The following RAPGEF5 variants were observed in gnomAD, a reference collection of about 807,000 sequenced individuals.
RAPGEF5 encodes the protein Rap guanine nucleotide exchange factor 5.
Under a neutral mutation model 125.2 loss-of-function variants are expected in RAPGEF5, and 65 were observed. The observed-to-expected ratio is 0.52, with a 90% CI of 0.43 to 0.64. The LOEUF is 0.64. Among genes scored for constraint, RAPGEF5 ranks in the 30% least tolerant of loss-of-function variants. The probability of loss-of-function intolerance (pLI) is 0.00; values close to 1 mark genes in which losing one functional copy is unlikely to be tolerated. For missense variants in RAPGEF5, 958 were observed against 1,048.1 expected (o/e 0.91, Z 1.19); for synonymous variants, 391 against 385.9 (o/e 1.01, Z -0.16).
intron 7 of RAPGEF5, among the ~76,000 whole-genome samples, chr7:22,244,954 T>C (rs190422211): frequency 6.6e-6 from 1 of 152,324 alleles, no homozygotes; most frequent in African/African-American, 2.4e-5. Flanking sequence ...AGTACAAGGA[T>C]TATCTTTTCT....
chr7:22,350,310 T>C (rs1784307619), intron 1 of RAPGEF5, among the ~76,000 whole-genome samples: 2 of 152,240 alleles, frequency 1.3e-5, no homozygotes, highest in Admixed American at 6.5e-5. Context: ...TATCAGTATT[T>C]AGACGCTACC....
At chr7:22,177,482 C>T (rs1583451355) in intron 11 of RAPGEF5, among the ~76,000 whole-genome samples, 1 of 152,202 alleles carries the variant, frequency 6.6e-6, no homozygotes, top group South Asian at 2.1e-4. Flanking sequence ...AGAGTGGCTT[C>T]AATGGGCAAG....
chr7:22,192,981 C>T (rs1164468661), intron 11 of RAPGEF5: 1 of 239,144 alleles, frequency 4.2e-6, no homozygotes, highest in Non-Finnish European at 8.1e-6. Flanking sequence ...CTGCTGCCCC[C>T]AGCTCAGCAC....
At chr7:22,135,371 A>ATT (rs1783048210) in intron 23 of RAPGEF5, among the ~76,000 whole-genome samples, 1 of 152,242 alleles carries the variant, frequency 6.6e-6, no homozygotes, top group African/African-American at 2.4e-5. Context: ...TATACACCAG[A>ATT]TTAAAAAGAG....
At chr7:22,163,815 C>T (rs954337202) in intron 12 of RAPGEF5, among the ~76,000 whole-genome samples, 5 of 152,132 alleles carry the variant, frequency 3.3e-5, no homozygotes, top group Non-Finnish European at 7.3e-5. Context: ...GGTTGTTGGA[C>T]AGCATTATAT....
intron 7 of RAPGEF5, among the ~76,000 whole-genome samples, chr7:22,255,939 A>C (rs1786748684): frequency 6.6e-6 from 1 of 152,210 alleles, no homozygotes; most frequent in South Asian, 2.1e-4. Flanking sequence ...CTGAGTCTGC[A>C]TTCTGCCTGC....
At chr7:22,264,010 C>T (rs969667654) in intron 7 of RAPGEF5, among the ~76,000 whole-genome samples, 2 of 151,964 alleles carry the variant, frequency 1.3e-5, no homozygotes, top group Non-Finnish European at 2.9e-5. Flanking sequence ...CTGTATACAA[C>T]TTTATTCACT....
chr7:22,337,776 A>C (rs7794152), intron 1 of RAPGEF5, among the ~76,000 whole-genome samples: 1 of 152,080 alleles, frequency 6.6e-6, no homozygotes, highest in East Asian at 1.9e-4. Flanking sequence ...CCAGTGGGGA[A>C]TACAGCAGTG....
intron 5 of RAPGEF5, among the ~76,000 whole-genome samples, chr7:22,301,256 T>C (rs1286333865): frequency 6.6e-6 from 1 of 152,132 alleles, no homozygotes; most frequent in Non-Finnish European, 1.5e-5. Context: ...GTGGAATTCG[T>C]TATTATCTTG....
chr7:22,163,718 G>T (rs1305651374), intron 12 of RAPGEF5, among the ~76,000 whole-genome samples: 1 of 152,138 alleles, frequency 6.6e-6, no homozygotes, highest in African/African-American at 2.4e-5. Flanking sequence ...ATCTATTCTT[G>T]TTGTCTCCAA....
chr7:22,162,019 G>T (rs2128112091), intron 13 of RAPGEF5, among the ~76,000 whole-genome samples: 1 of 152,288 alleles, frequency 6.6e-6, no homozygotes, highest in East Asian at 1.9e-4. Context: ...AGTATACCAT[G>T]TCTGACAAAT....
intron 9 of RAPGEF5, among the ~76,000 whole-genome samples, chr7:22,198,076 G>C (rs868356787): frequency 2.0e-5 from 3 of 152,156 alleles, no homozygotes; most frequent in Middle Eastern, 3.4e-3. Flanking sequence ...TTATTTTGTA[G>C]AGACAGGGTT....
intron 8 of RAPGEF5, among the ~76,000 whole-genome samples, chr7:22,226,136 T>G (rs374144950): frequency 6.6e-5 from 10 of 152,310 alleles, no homozygotes; most frequent in African/African-American, 2.4e-4. Flanking sequence ...TAAAACATGC[T>G]GCAAAAATTG....
At chr7:22,124,397 G>T (rs1179835453) in intron 25 of RAPGEF5, among the ~76,000 whole-genome samples, 1 of 152,186 alleles carries the variant, frequency 6.6e-6, no homozygotes, top group East Asian at 1.9e-4. Flanking sequence ...GCTTGATGAA[G>T]AATTATATAG....
At chr7:22,129,379 G>A (rs931112272) in intron 24 of RAPGEF5, among the ~76,000 whole-genome samples, 6 of 152,124 alleles carry the variant, frequency 3.9e-5, no homozygotes, top group Non-Finnish European at 7.3e-5. Context: ...TCCACTTGGC[G>A]TGACACACCT....
At chr7:22,201,504 C>T (rs553722276) in intron 9 of RAPGEF5, among the ~76,000 whole-genome samples, 13 of 152,356 alleles carry the variant, frequency 8.5e-5, no homozygotes, top group African/African-American at 2.6e-4. Context: ...CCATATTGGT[C>T]ATGTATTTCT....
chr7:22,122,596 C>A (rs541797094), intron 25 of RAPGEF5, 75 bp from the exon 26 acceptor site: 14 of 1,079,610 alleles, frequency 1.3e-5, no homozygotes, highest in Non-Finnish European at 2.0e-5. Context: ...CAAAACCCCA[C>A]ACTAAGGCTG....
intron 13 of RAPGEF5, among the ~76,000 whole-genome samples, chr7:22,161,310 T>C (rs918596339): frequency 1.3e-5 from 2 of 151,874 alleles, no homozygotes; most frequent in African/African-American, 4.8e-5. Flanking sequence ...GGAGGCTGAG[T>C]AGGGAGAACT....
chr7:22,314,042 C>T (rs1038028780), intron 3 of RAPGEF5, among the ~76,000 whole-genome samples: 1 of 152,150 alleles, frequency 6.6e-6, no homozygotes, highest in African/African-American at 2.4e-5. Flanking sequence ...AAACAGAATA[C>T]GCATGTCTAG....
Sources: gnomAD v4.1 joint callset for allele counts (sites outside exome capture counted in the v4.1 genomes callset) on GRCh38, gnomAD v4.1.1 for gene constraint, MANE v1.5 for transcripts, NCBI Gene and HGNC (gene_info 2026-07-23, HGNC 2026-07-21) for gene names.